MARCHF1: variants seen among roughly 807,000 people sequenced by gnomAD.
MARCHF1 encodes membrane associated ring-CH-type finger 1.
MARCHF1 carries 40 observed loss-of-function variants against 54.2 expected under a neutral mutation model. The ratio of observed to expected loss-of-function variants is 0.74; its 90% CI spans 0.57 to 0.96. The LOEUF is 0.96. MARCHF1 is among the 40% of genes least tolerant of loss of function. MARCHF1 has a pLI of 0.00. For synonymous variants in MARCHF1, 236 were observed against 236.3 expected (o/e 1.00, Z 0.01); for missense variants, 586 against 656.5 (o/e 0.89, Z 1.17).
chr4:163,786,412 CT>C (rs1000958872), intron 4 of MARCHF1, among the ~76,000 whole-genome samples: 4 of 151,648 alleles, frequency 2.6e-5, no homozygotes, highest in Non-Finnish European at 4.4e-5. Context: ...ACAAATACAC[CT>C]TTTTTTCTCA....
intron 4 of MARCHF1, among the ~76,000 whole-genome samples, chr4:163,841,115 C>T (rs58084895): frequency 7.2e-5 from 11 of 151,930 alleles, no homozygotes; most frequent in African/African-American, 2.7e-4. Context: ...ACATGGGGAC[C>T]AGGGAGGAGG....
At chr4:164,137,690 A>G (rs1233775060) in intron 1 of MARCHF1, among the ~76,000 whole-genome samples, 1 of 152,224 alleles carries the variant, frequency 6.6e-6, no homozygotes, top group African/African-American at 2.4e-5. Flanking sequence ...TTGGGGAATT[A>G]CATTTAATAA....
rs191177828 is a variant in MARCHF1, at chr4:164,346,787, T to C, written c.-323+37083A>G. ...AGCACCTAGCATGAGTATCAGGTAG[T>C]ACAGTTATAATTTTTTGAATGAATG... On this transcript the variant is annotated intron_variant, in intron 1 of 9. Coordinates refer to ENST00000514618, the MANE Select transcript of MARCHF1 (RefSeq NM_001394959.1). Among the ~76,000 whole-genome samples, 23 of 151,780 alleles carry C rather than the reference T, an allele frequency of 1.5e-4. No individual in the cohort carries two copies. In the East Asian group the frequency reaches 4.5e-3, roughly 29 times the overall value.
At chr4:164,136,655 C>G (rs527696985) in intron 1 of MARCHF1, among the ~76,000 whole-genome samples, 1 of 152,158 alleles carries the variant, frequency 6.6e-6, no homozygotes, top group Non-Finnish European at 1.5e-5. Flanking sequence ...GCCTCAACCA[C>G]GGAGCCTTTC....
chr4:163,690,918 T>C (rs1456657491), intron 5 of MARCHF1, among the ~76,000 whole-genome samples: 2 of 152,212 alleles, frequency 1.3e-5, no homozygotes, highest in Non-Finnish European at 2.9e-5. Context: ...CCAGAAGTTA[T>C]AAACCTGCAG....
chr4:163,994,029 T>C (rs1753015854), intron 2 of MARCHF1, among the ~76,000 whole-genome samples: 1 of 152,172 alleles, frequency 6.6e-6, no homozygotes, highest in Non-Finnish European at 1.5e-5. Flanking sequence ...TCTTTGTTAA[T>C]GTTCTCTGTA....
At chr4:163,761,461 C>A (rs1164207709) in intron 4 of MARCHF1, among the ~76,000 whole-genome samples, 3 of 152,130 alleles carry the variant, frequency 2.0e-5, no homozygotes, top group Non-Finnish European at 4.4e-5. Context: ...AAGCTGAGGT[C>A]CATTGTCCTT....
rs4619846 is a variant in MARCHF1, at chr4:163,941,551, C to T, written c.-39+46950G>A. Among the ~76,000 whole-genome samples, 1,047 of 152,182 alleles carry T rather than the reference C, an allele frequency of 6.9e-3. 7 individuals are homozygous for T. Among genetic ancestry groups the T allele is most frequent in the Non-Finnish European group, 0.012 (795 of 67,946 alleles). ...TTTCATATCCTTGCCTTGCTGTTTA[C>T]TTTGTGTGACCTTTTTGGGTCCTTC... On this transcript the variant is annotated intron_variant, in intron 3 of 9. Transcript: ENST00000514618.
At chr4:163,597,164 G>A (rs1037439998) in intron 7 of MARCHF1, among the ~76,000 whole-genome samples, 1 of 152,034 alleles carries the variant, frequency 6.6e-6, no homozygotes, top group African/African-American at 2.4e-5. Context: ...CGCCATGTTG[G>A]CCAGGCTGGT....
intron 1 of MARCHF1, among the ~76,000 whole-genome samples, chr4:164,378,342 A>G (rs1449343398): frequency 6.6e-6 from 1 of 152,242 alleles, no homozygotes; most frequent in African/African-American, 2.4e-5. Flanking sequence ...AGTGAGAAGT[A>G]AAAGGTGTAG....
chr4:163,826,305 T>C (rs925593352), intron 4 of MARCHF1, among the ~76,000 whole-genome samples: 3 of 152,066 alleles, frequency 2.0e-5, no homozygotes, highest in Non-Finnish European at 4.4e-5. Context: ...AAGATACCTT[T>C]GGAGGGTTTA....
intron 1 of MARCHF1, among the ~76,000 whole-genome samples, chr4:164,275,640 T>C (rs1733860696): frequency 6.6e-6 from 1 of 152,204 alleles, no homozygotes; most frequent in Admixed American, 6.6e-5. Flanking sequence ...TCCAAAAATT[T>C]AGCTATTTAT....
At chr4:164,157,896 C>G (rs577407529) in intron 1 of MARCHF1, among the ~76,000 whole-genome samples, 2 of 151,980 alleles carry the variant, frequency 1.3e-5, no homozygotes, top group South Asian at 4.2e-4. Flanking sequence ...CAAGTCAACC[C>G]AAAATACACA....
At chr4:164,223,051 T>C (rs1732157162) in intron 1 of MARCHF1, among the ~76,000 whole-genome samples, 1 of 151,922 alleles carries the variant, frequency 6.6e-6, no homozygotes, top group Non-Finnish European at 1.5e-5. Flanking sequence ...ACCATCAGAT[T>C]CTTGTGAGAC....
In MARCHF1 at chr4:163,646,160, C is replaced by T. The variant is rs549019278; in HGVS notation, c.163-32767G>A. Among the ~76,000 whole-genome samples the T allele has an allele frequency of 3.3e-4, 50 of 152,092 alleles. No homozygotes were observed. In the South Asian group the frequency reaches 6.0e-3, roughly 18 times the overall value. On this transcript the variant is annotated intron_variant, in intron 5 of 9. Coordinates refer to ENST00000514618, the MANE Select transcript of MARCHF1 (RefSeq NM_001394959.1). ...GACTGGTCACATCCAAGGGAACCTC[C>T]GTTAGGTTATCAGAGGACTTCTCAA...
chr4:164,075,444 T>C (rs1010114970), intron 2 of MARCHF1, among the ~76,000 whole-genome samples: 2 of 152,200 alleles, frequency 1.3e-5, no homozygotes, highest in African/African-American at 4.8e-5. Flanking sequence ...GAGGGATTCA[T>C]CCAGGCTAGT....
chr4:164,146,564 C>A (rs1729748612), intron 1 of MARCHF1, among the ~76,000 whole-genome samples: 1 of 152,142 alleles, frequency 6.6e-6, no homozygotes, highest in Non-Finnish European at 1.5e-5. Flanking sequence ...GAAAAACAAG[C>A]AATGGGGAAA....
rs111740729 is a variant in MARCHF1, at chr4:164,345,292, C to G, written c.-323+38578G>C. Reference sequence around the variant, plus strand: ...TAAAAAAATAAAATGTATGGCTGGGCACAGTGGTTCAGGCCTGTAATCCTT... The same window carrying G: ...TAAAAAAATAAAATGTATGGCTGGGGACAGTGGTTCAGGCCTGTAATCCTT... On this transcript the variant is annotated intron_variant, in intron 1 of 9. Transcript: ENST00000514618. Among the ~76,000 whole-genome samples the G allele has an allele frequency of 8.2e-3, 1,247 of 152,044 alleles. 21 individuals are homozygous for G. Among genetic ancestry groups the G allele is most frequent in the African/African-American group, 0.028 (1,178 of 41,462 alleles).
Position 164,189,347 on chromosome 4 carries a change from A to G in MARCHF1, c.-322-77685T>C, listed in dbSNP as rs1434213280. 11 of 615,936 alleles carry G rather than the reference A, an allele frequency of 1.8e-5. No homozygotes were observed. In the Admixed American group the frequency reaches 2.6e-4, roughly 14 times the overall value. The allele number at this position is 615,936 out of a possible 1,614,324, so 38.2% of individuals were successfully genotyped here. A position where few individuals can be genotyped will look rare whatever the true frequency, so the allele number is the denominator to read the frequency against. ...GAAGACTTTTCTGAGACCCTGACTC[A>G]GGCCAAATTTTAAGAGCTAAACATG... On this transcript the variant is annotated intron_variant, in intron 1 of 9. Coordinates refer to ENST00000514618, the MANE Select transcript of MARCHF1 (RefSeq NM_001394959.1).
Sources: allele counts gnomAD v4.1 joint callset (sites outside exome capture counted in the v4.1 genomes callset), GRCh38; gene constraint gnomAD v4.1.1; transcripts MANE v1.5; gene names NCBI Gene and HGNC (gene_info 2026-07-23, HGNC 2026-07-21).